Variants in UNC13C observed in about 807,000 individuals in gnomAD.
UNC13C encodes protein unc-13 homolog C.
Under a neutral mutation model 245.4 loss-of-function variants are expected in UNC13C, and 174 were observed. The ratio of observed to expected loss-of-function variants is 0.71; its 90% CI spans 0.63 to 0.80. The LOEUF is 0.80. UNC13C is among the 30% of genes least tolerant of loss of function. The pLI is 0.00. For missense variants in UNC13C, 2,829 were observed against 2,602.9 expected (o/e 1.09, Z -1.89); for synonymous variants, 992 against 895.1 (o/e 1.11, Z -1.93).
chr15:54,408,820 A>G (rs958891347), intron 18 of UNC13C, among the ~76,000 whole-genome samples: 18 of 152,216 alleles, frequency 1.2e-4, no homozygotes, highest in African/African-American at 3.9e-4. Flanking sequence ...ATGCGATCAT[A>G]TTTTATATGC....
chr15:54,607,537 A>C (rs1192033452), intron 30 of UNC13C, among the ~76,000 whole-genome samples: 1 of 152,120 alleles, frequency 6.6e-6, no homozygotes, highest in Admixed American at 6.6e-5. Context: ...TTATTTTTTA[A>C]ATGTTTCAGA....
chr15:54,601,241 A>G (rs1227151932), intron 30 of UNC13C, among the ~76,000 whole-genome samples: 1 of 152,198 alleles, frequency 6.6e-6, no homozygotes, highest in Non-Finnish European at 1.5e-5. Flanking sequence ...TGACCTATAT[A>G]CCAGGAACTC....
At position 54,265,447 on chromosome 15, in the gene UNC13C, A is replaced by G. The variant is rs1254814566; in HGVS notation, c.3769A>G (p.Lys1257Glu). ...VQVGKNKRRT[K>E]TIFGNLNPVW... The stretch of plus-strand genomic sequence containing the variant: ...AGTTGGAAAGAACAAAAGAAGAACA[A>G]AAACCATTTTTGGAAATTTGAATCC... Residue 1257 changes from lysine (K) to glutamate (E), a missense_variant, in exon 10 of 33, where the codon AAA (lysine) becomes GAA (glutamate). Physicochemically the swap from Lys to Glu is moderately conservative, Grantham distance 56. Transcript: ENST00000260323. The G allele has an allele frequency of 6.4e-7, 1 of 1,570,332 alleles. No homozygotes were observed.
the UNC13C span, among the ~76,000 whole-genome samples, chr15:53,857,238 T>C: frequency 6.6e-6 from 1 of 152,224 alleles, no homozygotes; most frequent in Non-Finnish European, 1.5e-5. Context: ...TCGTGGATCT[T>C]TGCTCAATTA....
At chr15:54,029,153 C>T (rs1896249367) in intron 2 of UNC13C, among the ~76,000 whole-genome samples, 1 of 152,196 alleles carries the variant, frequency 6.6e-6, no homozygotes. Context: ...ACTCTGGGCA[C>T]AGACAGCTTG....
chr15:54,319,431 TAA>T (rs2038092530), intron 13 of UNC13C, among the ~76,000 whole-genome samples: 1 of 151,964 alleles, frequency 6.6e-6, no homozygotes, highest in South Asian at 2.1e-4. Context: ...CAGTGTATAA[TAA>T]AGTCATAACA....
intron 30 of UNC13C, among the ~76,000 whole-genome samples, chr15:54,613,354 C>A (rs978119830): frequency 7.9e-5 from 12 of 151,690 alleles, no homozygotes; most frequent in Admixed American, 6.6e-4. Flanking sequence ...AATTGTGTTG[C>A]TATTATTTAC....
intron 19 of UNC13C, among the ~76,000 whole-genome samples, chr15:54,428,162 T>C (rs192564552): frequency 6.6e-6 from 1 of 151,950 alleles, no homozygotes; most frequent in Admixed American, 6.6e-5. Context: ...CTCAGATATC[T>C]CTTTAATTCT....
chr15:54,622,030 T>C (rs1268048571), intron 30 of UNC13C, among the ~76,000 whole-genome samples: 1 of 152,152 alleles, frequency 6.6e-6, no homozygotes, highest in African/African-American at 2.4e-5. Flanking sequence ...TGAATATAAC[T>C]TCATTAAGTG....
chr15:53,949,123 C>T, the UNC13C span, among the ~76,000 whole-genome samples: 23 of 152,152 alleles, frequency 1.5e-4, no homozygotes, highest in African/African-American at 4.1e-4. Context: ...ACATGCTTTA[C>T]CTTTGCAGTG....
At chr15:54,054,930 G>A (rs1047393103) in intron 2 of UNC13C, among the ~76,000 whole-genome samples, 2 of 152,120 alleles carry the variant, frequency 1.3e-5, no homozygotes, top group African/African-American at 4.8e-5. Context: ...TGCCCAGTGA[G>A]TTGTATCATC....
At chr15:54,078,742 G>A (rs1273440636) in intron 2 of UNC13C, among the ~76,000 whole-genome samples, 1 of 151,854 alleles carries the variant, frequency 6.6e-6, no homozygotes, top group Non-Finnish European at 1.5e-5. Flanking sequence ...TGAGTGTGTA[G>A]TTTGCAAATA....
At chr15:54,604,535 TG>T (rs1899649142) in intron 30 of UNC13C, among the ~76,000 whole-genome samples, 1 of 152,194 alleles carries the variant, frequency 6.6e-6, no homozygotes, top group South Asian at 2.1e-4. Context: ...CTAACTTTCC[TG>T]GGGAACTCCC....
chr15:54,274,619 A>G (rs2036778810), intron 10 of UNC13C, among the ~76,000 whole-genome samples: 1 of 152,036 alleles, frequency 6.6e-6, no homozygotes, highest in Non-Finnish European at 1.5e-5. Flanking sequence ...AGCAACCACT[A>G]AAAAGAGAAA....
chr15:54,145,681 T>C (rs2032224437), intron 4 of UNC13C, among the ~76,000 whole-genome samples: 1 of 152,204 alleles, frequency 6.6e-6, no homozygotes, highest in East Asian at 1.9e-4. Flanking sequence ...AATTCTAAGT[T>C]AGTTATGAAA....
chr15:54,486,250 AACACACACAC>A lies in UNC13C; in HGVS notation c.4934-8328_4934-8319del, dbSNP rs59221050. Among the ~76,000 whole-genome samples, 808 of 132,038 alleles carry A rather than the reference AACACACACAC, an allele frequency of 6.1e-3. 4 individuals are homozygous for A. Among genetic ancestry groups the A allele is most frequent in the African/African-American group, 8.6e-3 (299 of 34,844 alleles). 86.6% of individuals were successfully genotyped at this position (132,038 alleles called of 152,430 possible). ...CGTGGTGAAAACCCAGATCTATTAA[AACACACACAC>A]ACACACACACACACACACACACACA... On this transcript the variant is annotated intron_variant, in intron 19 of 32. Coordinates refer to ENST00000260323, the MANE Select transcript of UNC13C (RefSeq NM_001080534.3).
chr15:54,235,016 AT>A lies in UNC13C; in HGVS notation c.3072-10del, dbSNP rs777387278. 6.2e-7 allele frequency: 1 copy of A among 1,613,126 alleles called. No homozygotes were observed. The highest frequency in any genetic ancestry group is 8.5e-7 in the Non-Finnish European group (1 of 1,179,306). The stretch of plus-strand genomic sequence containing the variant: ...TTTACCCATTGCAATTATTGGTTTT[AT>A]TTTGTCTTTCAGGGCTGGAGGTGGA... On this transcript the variant is annotated splice_polypyrimidine_tract_variant and intron_variant, in intron 4 of 32. Coordinates refer to ENST00000260323, the MANE Select transcript of UNC13C (RefSeq NM_001080534.3).
intron 1 of UNC13C, among the ~76,000 whole-genome samples, chr15:53,989,327 AT>A (rs1278802842): frequency 1.4e-5 from 2 of 146,298 alleles, no homozygotes; most frequent in African/African-American, 5.4e-5. Context: ...GCACTGCTTA[AT>A]TGTTAAAAAA....
At chr15:53,992,834 G>GT (rs1343778742) in intron 1 of UNC13C, among the ~76,000 whole-genome samples, 1 of 152,158 alleles carries the variant, frequency 6.6e-6, no homozygotes, top group African/African-American at 2.4e-5. Context: ...TTGTCTTTCT[G>GT]TACTGCATCA....
Sources: gnomAD v4.1 joint callset for allele counts (sites outside exome capture counted in the v4.1 genomes callset) on GRCh38, gnomAD v4.1.1 for gene constraint, MANE v1.5 for transcripts, NCBI Gene and HGNC (gene_info 2026-07-23, HGNC 2026-07-21) for gene names.